The following FA2H variants were observed in gnomAD, a reference collection of about 807,000 sequenced individuals.
The protein encoded by FA2H is fatty acid 2-hydroxylase.
A neutral mutation model predicts 44.9 loss-of-function variants in FA2H; 22 were observed. That is an observed-to-expected ratio of 0.49 (90% CI 0.35 to 0.70). The LOEUF (loss-of-function observed/expected upper bound fraction) is 0.70. Among genes scored for constraint, FA2H ranks in the 30% least tolerant of loss-of-function variants. The pLI, the probability that FA2H is intolerant of heterozygous loss-of-function variation, is 0.01. For missense variants in FA2H, 501 were observed against 504.9 expected, an observed-to-expected ratio of 0.99 and a Z score of 0.07; for synonymous variants, 243 against 213.2, an observed-to-expected ratio of 1.14 and a Z score of -1.22.
At chr16:74,756,365 A>C (rs1962612891) in intron 1 of FA2H, among the ~76,000 whole-genome samples, 1 of 152,106 alleles carries the variant, frequency 6.6e-6, no homozygotes, top group Non-Finnish European at 1.5e-5. Flanking sequence ...TTGGACGGAC[A>C]ACCACTGTGG....
intron 1 of FA2H, among the ~76,000 whole-genome samples, chr16:74,748,813 G>C (rs943600748): frequency 2.0e-5 from 3 of 152,216 alleles, no homozygotes; most frequent in African/African-American, 7.2e-5. Flanking sequence ...CATGTTGTTC[G>C]GGAAAGCTGG....
At chr16:74,716,950 C>T (rs952877043) in intron 5 of FA2H, 2 of 268,306 alleles carry the variant, frequency 7.5e-6, no homozygotes, top group Admixed American at 9.4e-5. Flanking sequence ...ACAGGTATCC[C>T]ATCCCTAAAT....
chr16:74,772,112 G>C (rs148036254), intron 1 of FA2H, among the ~76,000 whole-genome samples: 1 of 152,038 alleles, frequency 6.6e-6, no homozygotes, highest in Non-Finnish European at 1.5e-5. Context: ...ACGAAGCCCC[G>C]TGTGATGTGG....
At chr16:74,717,392 A>C (rs1404586697) in intron 5 of FA2H, among the ~76,000 whole-genome samples, 1 of 152,186 alleles carries the variant, frequency 6.6e-6, no homozygotes, top group Non-Finnish European at 1.5e-5. Context: ...GATGTGCTGG[A>C]AAACCAGCTC....
At chr16:74,771,392 T>C (rs554858192) in intron 1 of FA2H, among the ~76,000 whole-genome samples, 17 of 151,814 alleles carry the variant, frequency 1.1e-4, no homozygotes, top group Non-Finnish European at 1.9e-4. Context: ...GATTTTACCG[T>C]GTTGCCCAGG....
At chr16:74,748,627 A>G (rs1055926898) in intron 1 of FA2H, among the ~76,000 whole-genome samples, 1 of 152,164 alleles carries the variant, frequency 6.6e-6, no homozygotes, top group African/African-American at 2.4e-5. Flanking sequence ...CCAGGGTCCC[A>G]GACCCTGTCC....
At chr16:74,727,102 T>A (rs1567637360) in intron 3 of FA2H, 142 bp downstream of exon 3, 1 of 1,156,320 alleles carries the variant, frequency 8.6e-7, no homozygotes, top group East Asian at 2.5e-5. Flanking sequence ...ATTATTCCCA[T>A]GGCATGTTCC....
intron 1 of FA2H, among the ~76,000 whole-genome samples, chr16:74,742,382 G>A (rs1447139241): frequency 6.6e-6 from 1 of 152,156 alleles, no homozygotes; most frequent in African/African-American, 2.4e-5. Flanking sequence ...TTGCACTCTG[G>A]GCTGGATAGG....
intron 2 of FA2H, among the ~76,000 whole-genome samples, chr16:74,739,687 G>T (rs1962253766): frequency 6.6e-6 from 1 of 152,150 alleles, no homozygotes; most frequent in South Asian, 2.1e-4. Flanking sequence ...GGTCAAAATG[G>T]GCATGTCTGG....
chr16:74,739,361 G>A (rs1489357667), intron 2 of FA2H, among the ~76,000 whole-genome samples: 1 of 151,996 alleles, frequency 6.6e-6, no homozygotes, highest in Non-Finnish European at 1.5e-5. Context: ...CCCCTCCAGT[G>A]ACCCCCTCCA....
intron 5 of FA2H, among the ~76,000 whole-genome samples, chr16:74,717,927 C>T (rs1213016059): frequency 1.3e-5 from 2 of 152,206 alleles, no homozygotes; most frequent in Non-Finnish European, 2.9e-5. Context: ...GTGAGCTCTG[C>T]AGAGCAGAGG....
intron 4 of FA2H, among the ~76,000 whole-genome samples, chr16:74,725,429 T>C (rs1961930915): frequency 6.6e-6 from 1 of 152,178 alleles, no homozygotes. Context: ...GCGGCTATAC[T>C]TAAACCCACA....
At chr16:74,766,195 A>G (rs780579012) in intron 1 of FA2H, among the ~76,000 whole-genome samples, 1 of 152,056 alleles carries the variant, frequency 6.6e-6, no homozygotes, top group Non-Finnish European at 1.5e-5. Flanking sequence ...GCTACTCGGG[A>G]TGCTGAGGCA....
chr16:74,761,319 G>A (rs1232790797), intron 1 of FA2H, among the ~76,000 whole-genome samples: 3 of 152,020 alleles, frequency 2.0e-5, no homozygotes, highest in Non-Finnish European at 2.9e-5. Context: ...CGGGCATGGC[G>A]GCATACACCT....
intron 3 of FA2H, among the ~76,000 whole-genome samples, chr16:74,726,773 G>C (rs778311515): frequency 6.6e-6 from 1 of 152,162 alleles, no homozygotes; most frequent in Non-Finnish European, 1.5e-5. Context: ...ATGGAGACCT[G>C]GGGTCAAAGG....
intron 4 of FA2H, among the ~76,000 whole-genome samples, chr16:74,722,016 C>T (rs771914800): frequency 8.5e-5 from 13 of 152,354 alleles, no homozygotes; most frequent in East Asian, 1.9e-4. Context: ...GGAAGCCCTG[C>T]ATTGCCTGCA....
chr16:74,758,163 C>A (rs1234248254), intron 1 of FA2H, among the ~76,000 whole-genome samples: 1 of 143,584 alleles, frequency 7.0e-6, no homozygotes, highest in Non-Finnish European at 1.5e-5. Flanking sequence ...GACTGTCGCC[C>A]GGGCTGGAGT....
At chr16:74,734,942 G>A (rs1962151537) in intron 2 of FA2H, among the ~76,000 whole-genome samples, 1 of 152,258 alleles carries the variant, frequency 6.6e-6, no homozygotes, top group Non-Finnish European at 1.5e-5. Context: ...GAGCAGAGGT[G>A]GAGACAGGCT....
rs149468618 is a variant in FA2H, at chr16:74,729,799, A to T, written c.364-2413T>A. ...GAGCCCCTCAGTGCCCTCATCTGTG[A>T]TGCTGGTGGGCCCCAATCTGCCACA... On this transcript the variant is annotated intron_variant, in intron 2 of 6. Transcript: ENST00000219368. Among the ~76,000 whole-genome samples, 129 of 151,626 alleles carry T rather than the reference A, an allele frequency of 8.5e-4. 1 individual carries two copies. The highest frequency in any genetic ancestry group is 3.0e-3 in the African/African-American group (125 of 41,360).
Sources: gnomAD v4.1 joint callset for allele counts (sites outside exome capture counted in the v4.1 genomes callset) on GRCh38, gnomAD v4.1.1 for gene constraint, MANE v1.5 for transcripts, NCBI Gene and HGNC (gene_info 2026-07-23, HGNC 2026-07-21) for gene names.